Variants in RAB27B observed in about 807,000 individuals in gnomAD.
RAB27B encodes the protein ras-related protein Rab-27B.
In RAB27B, 15 loss-of-function variants were observed where a neutral mutation model predicts 24.6. The observed-to-expected ratio is 0.61, with a 90% CI of 0.41 to 0.94. The LOEUF is 0.94. Ranked by LOEUF, RAB27B falls within the 40% of genes least tolerant of loss-of-function variation. The pLI is 0.00. For missense variants in RAB27B, 261 were observed against 266.8 expected (o/e 0.98, Z 0.15); for synonymous variants, 105 against 92.5 (o/e 1.14, Z -0.78).
intron 2 of RAB27B, among the ~76,000 whole-genome samples, chr18:54,771,423 G>A (rs536439212): frequency 1.3e-5 from 2 of 152,280 alleles, no homozygotes; most frequent in African/African-American, 2.4e-5. Flanking sequence ...ATGATGAGAA[G>A]TCGAAGTGAG....
intron 2 of RAB27B, among the ~76,000 whole-genome samples, chr18:54,816,039 C>T (rs995536932): frequency 6.6e-6 from 1 of 152,202 alleles, no homozygotes; most frequent in Non-Finnish European, 1.5e-5. Context: ...TCTTTTTCAA[C>T]TGGCTTAATA....
chr18:54,759,657 G>A (rs902848051), intron 2 of RAB27B, among the ~76,000 whole-genome samples: 4 of 152,146 alleles, frequency 2.6e-5, no homozygotes, highest in Non-Finnish European at 5.9e-5. Context: ...ATTCAAATGC[G>A]CTGTTTGGCC....
chr18:54,818,811 G>T (rs543606337), intron 2 of RAB27B, among the ~76,000 whole-genome samples: 12 of 152,076 alleles, frequency 7.9e-5, no homozygotes, highest in Non-Finnish European at 1.3e-4. Context: ...CTTATTAATT[G>T]TATCTTTATC....
rs1214561844 is a variant in RAB27B, at chr18:54,770,736, T to A, written c.-20+52595T>A. Among the ~76,000 whole-genome samples, 3 of 152,138 alleles carry A rather than the reference T, an allele frequency of 2.0e-5. No homozygotes were observed. The East Asian group carries it at 5.8e-4, about 29-fold the overall frequency. On this transcript the variant is annotated intron_variant, in intron 2 of 4. Coordinates refer to the RAB27B transcript ENST00000586570. ...TCTCAGTTCTGTTTCTTTGATCTTTTTTTTTTCCTATTGCTATACCACGTT... is the reference window on the plus strand; with the variant it reads ...TCTCAGTTCTGTTTCTTTGATCTTTATTTTTTCCTATTGCTATACCACGTT...
At position 54,892,422 on chromosome 18, in the gene RAB27B, T is replaced by G. The variant is rs1913404313; in HGVS notation, c.*3009T>G. 6.6e-6 allele frequency: 1 copy of G among 152,064 alleles called. No homozygotes were observed. Among genetic ancestry groups the G allele is most frequent in the Non-Finnish European group, 1.5e-5 (1 of 67,972 alleles). The allele number at this position is 152,064 out of a possible 1,614,324, so 9.4% of individuals were successfully genotyped here. ...TCAGCAAGGGATGCAAGGACTTTAT[T>G]GGAATCTGGAGAGTTTAACTGCCTT... On this transcript the variant is annotated 3_prime_UTR_variant, in exon 6 of 6. Transcript: ENST00000262094.
intron 2 of RAB27B, among the ~76,000 whole-genome samples, chr18:54,794,070 A>G (rs930558557): frequency 6.6e-6 from 1 of 152,218 alleles, no homozygotes; most frequent in Admixed American, 6.5e-5. Context: ...TTGGCTTTGC[A>G]TCCTAGCTCT....
intron 1 of RAB27B, among the ~76,000 whole-genome samples, chr18:54,846,332 G>C (rs1911335742): frequency 6.6e-6 from 1 of 152,206 alleles, no homozygotes; most frequent in South Asian, 2.1e-4. Flanking sequence ...GTGGCTAGAG[G>C]CTCGCAGGAG....
intron 2 of RAB27B, among the ~76,000 whole-genome samples, chr18:54,731,350 C>A (rs1909724609): frequency 6.6e-6 from 1 of 152,198 alleles, no homozygotes; most frequent in African/African-American, 2.4e-5. Context: ...CTTTCAGAAA[C>A]TGGGCAAAAA....
intron 1 of RAB27B, among the ~76,000 whole-genome samples, chr18:54,861,269 A>G (rs1254720444): frequency 6.6e-6 from 1 of 152,242 alleles, no homozygotes; most frequent in Non-Finnish European, 1.5e-5. Context: ...ATTTTATTAA[A>G]CAAGCCATAT....
At chr18:54,865,172 T>C (rs1355771540) in intron 1 of RAB27B, among the ~76,000 whole-genome samples, 1 of 152,138 alleles carries the variant, frequency 6.6e-6, no homozygotes, top group Non-Finnish European at 1.5e-5. Context: ...TATTCTACTA[T>C]CATTTGAGTT....
chr18:54,725,158 A>G (rs922178553), intron 2 of RAB27B, among the ~76,000 whole-genome samples: 1 of 151,568 alleles, frequency 6.6e-6, no homozygotes, highest in African/African-American at 2.4e-5. Flanking sequence ...GGTGCCACTT[A>G]TGACTTATCT....
chr18:54,813,605 T>C (rs1910034092), intron 2 of RAB27B, among the ~76,000 whole-genome samples: 1 of 152,206 alleles, frequency 6.6e-6, no homozygotes, highest in Non-Finnish European at 1.5e-5. Flanking sequence ...GATTGTAAGC[T>C]TCCCAAGGCC....
intron 2 of RAB27B, among the ~76,000 whole-genome samples, chr18:54,766,092 A>G (rs1048427458): frequency 5.9e-5 from 9 of 152,200 alleles, no homozygotes; most frequent in African/African-American, 2.2e-4. Flanking sequence ...CACGTCCAGA[A>G]TTGCCTGAGA....
chr18:54,876,827 T>G (rs150283292), intron 1 of RAB27B, among the ~76,000 whole-genome samples: 337 of 152,360 alleles, frequency 2.2e-3, no homozygotes, highest in Admixed American at 5.0e-3. Flanking sequence ...GTAGGATATC[T>G]GCATCGTCTT....
chr18:54,739,905 C>A (rs188313395), intron 2 of RAB27B, among the ~76,000 whole-genome samples: 1 of 152,278 alleles, frequency 6.6e-6, no homozygotes, highest in African/African-American at 2.4e-5. Context: ...ATTAGACATT[C>A]ATATATTTTC....
At chr18:54,872,454 C>T (rs1912511072) in intron 1 of RAB27B, among the ~76,000 whole-genome samples, 1 of 151,656 alleles carries the variant, frequency 6.6e-6, no homozygotes, top group African/African-American at 2.4e-5. Flanking sequence ...GGAGAAACCC[C>T]ATCTCTACCA....
chr18:54,872,418 G>A (rs988982791), intron 1 of RAB27B, among the ~76,000 whole-genome samples: 4 of 152,034 alleles, frequency 2.6e-5, no homozygotes, highest in Admixed American at 1.3e-4. Context: ...CTGAGGTTGG[G>A]AGTTCGAGAC....
chr18:54,822,000 G>C (rs1187127369), intron 2 of RAB27B, among the ~76,000 whole-genome samples: 2 of 152,124 alleles, frequency 1.3e-5, no homozygotes, highest in African/African-American at 4.8e-5. Context: ...TGATCCACCC[G>C]CCTAGACCTC....
intron 1 of RAB27B, among the ~76,000 whole-genome samples, chr18:54,838,385 AT>A (rs1240348190): frequency 6.6e-6 from 1 of 151,816 alleles, no homozygotes; most frequent in Admixed American, 6.6e-5. Flanking sequence ...CCATGTTAAT[AT>A]TTTTTTTCTA....
Sources: allele counts gnomAD v4.1 joint callset (sites outside exome capture counted in the v4.1 genomes callset), GRCh38; gene constraint gnomAD v4.1.1; transcripts MANE v1.5; gene names NCBI Gene and HGNC (gene_info 2026-07-23, HGNC 2026-07-21).